The following SLC1A7 variants were observed in gnomAD, a reference collection of about 807,000 sequenced individuals.
The protein encoded by SLC1A7 is excitatory amino acid transporter 5.
In SLC1A7, 40 loss-of-function variants were observed where a neutral mutation model predicts 47.7. The observed-to-expected ratio is 0.84, with a 90% CI of 0.65 to 1.09. SLC1A7 has a LOEUF of 1.09. Ranked by LOEUF, SLC1A7 falls within the 50% of genes least tolerant of loss-of-function variation. The pLI, the probability that SLC1A7 is intolerant of heterozygous loss-of-function variation, is 0.00. For synonymous variants in SLC1A7, 323 were observed against 325.6 expected, an observed-to-expected ratio of 0.99 and a Z score of 0.09; for missense variants, 746 against 769.5, an observed-to-expected ratio of 0.97 and a Z score of 0.36.
At chr1:53,116,780 C>T (rs981373980) in intron 2 of SLC1A7, among the ~76,000 whole-genome samples, 4 of 152,238 alleles carry the variant, frequency 2.6e-5, no homozygotes, top group East Asian at 1.9e-4. Flanking sequence ...CAGCAGTGCC[C>T]GGCTGGGCCA....
At chr1:53,092,349 G>A (rs1256747250) in intron 7 of SLC1A7, among the ~76,000 whole-genome samples, 1 of 152,254 alleles carries the variant, frequency 6.6e-6, no homozygotes, top group Non-Finnish European at 1.5e-5. Context: ...GAGGACTGGG[G>A]CCGTGGGGGA....
chr1:53,136,868 T>A (rs1357848478), intron 1 of SLC1A7, among the ~76,000 whole-genome samples: 1 of 151,726 alleles, frequency 6.6e-6, no homozygotes, highest in Non-Finnish European at 1.5e-5. Context: ...TGTCTCACTA[T>A]GTTGCCCAGA....
intron 2 of SLC1A7, among the ~76,000 whole-genome samples, chr1:53,129,617 AACTCAGCTCCAACCCCGC>A (rs1644921304): frequency 1.5e-5 from 2 of 137,060 alleles, no homozygotes; most frequent in South Asian, 2.3e-4. Flanking sequence ...AGAGTGACTG[AACTCAGCTCCAACCCCGC>A]TGGCCCCACT....
rs139819357 is a variant in SLC1A7 at position 53,142,390 on chromosome 1, G to A, written c.60C>T (p.Leu20=). ...CGATGACAGACAGCACAGACAGGAT[G>A]AGGAGTCCATTCCGCCTGCACACGT... ...GRDVCRRNGL[L]ILSVLSVIVG... is the part of the protein sequence containing the mutation. Residue 20 remains leucine (L), a synonymous_variant, in exon 1 of 11, where the codon CTC becomes CTT. Transcript: ENST00000371494. The A allele has an allele frequency of 1.2e-6, 2 of 1,607,822 alleles. No individual in the cohort carries two copies. Among genetic ancestry groups the A allele is most frequent in the African/African-American group, 2.7e-5 (2 of 74,966 alleles).
chr1:53,090,544 G>T, intron 8 of SLC1A7, 68 bp downstream of exon 8: 1 of 1,469,152 alleles, frequency 6.8e-7, no homozygotes, highest in South Asian at 1.4e-5. Flanking sequence ...CCTCAAGTCT[G>T]GGAGCCTGGG....
At chr1:53,121,036 G>A (rs1456297011) in intron 2 of SLC1A7, among the ~76,000 whole-genome samples, 1 of 152,244 alleles carries the variant, frequency 6.6e-6, no homozygotes, top group Non-Finnish European at 1.5e-5. Flanking sequence ...ATCTTGGGTT[G>A]GAGTGGTACA....
rs144075046 is a variant in SLC1A7, at chr1:53,107,668, C to T, written c.432-1894G>A. On this transcript the variant is annotated intron_variant, in intron 3 of 10. Transcript: ENST00000371494. ...ACCAAGCACTACCATCCTAAATCTA[C>T]TAAGAGCTTTTACAAATCTTGGCCT... Among the ~76,000 whole-genome samples the T allele has an allele frequency of 6.8e-3, 1,033 of 152,338 alleles. 5 individuals carry two copies. Among genetic ancestry groups the T allele is most frequent in the Non-Finnish European group, 0.01 (700 of 68,036 alleles).
chr1:53,097,653 C>G (rs894631472), intron 5 of SLC1A7, among the ~76,000 whole-genome samples: 2 of 151,564 alleles, frequency 1.3e-5, no homozygotes, highest in African/African-American at 4.9e-5. Flanking sequence ...CAAGCACTCA[C>G]ACATCCCACC....
chr1:53,136,772 T>A (rs1645004946), intron 1 of SLC1A7, among the ~76,000 whole-genome samples: 3 of 150,494 alleles, frequency 2.0e-5, no homozygotes, highest in African/African-American at 7.3e-5. Context: ...GCTCAAGTAA[T>A]CTTCACACCT....
intron 2 of SLC1A7, among the ~76,000 whole-genome samples, chr1:53,130,517 C>T (rs1480550743): frequency 6.6e-6 from 1 of 150,768 alleles, no homozygotes; most frequent in Admixed American, 6.6e-5. Flanking sequence ...CCGCTACTGC[C>T]CTGTAGCCAG....
At position 53,089,809 on chromosome 1, in the gene SLC1A7, T is replaced by G; in HGVS notation, c.1352A>C (p.Asp451Ala). The G allele has an allele frequency of 6.2e-7, 1 of 1,613,668 alleles. No individual in the cohort carries two copies. Residue 451 changes from aspartate to alanine, a missense_variant, in exon 9 of 11, where the codon GAC becomes GCC. Physicochemically the swap from Asp to Ala is moderately radical, Grantham distance 126. Coordinates refer to ENST00000371494, the MANE Select transcript of SLC1A7 (RefSeq NM_006671.6). The stretch of plus-strand genomic sequence containing the variant: ...GGCAAAGTCCACTCACAGAGCCCAG[T>G]CAACGGCAATGATGAGGGTGATGTC... ...TDDITLIIAV[D>A]WALDRFRTMI... is the part of the protein sequence containing the mutation.
At chr1:53,108,607 T>C in intron 3 of SLC1A7, 3 of 718,018 alleles carry the variant, frequency 4.2e-6, no homozygotes, top group South Asian at 3.0e-5. Context: ...GACCCTTTGG[T>C]CCGTTCCTCC....
intron 2 of SLC1A7, 50 bp from the exon 3 acceptor site, chr1:53,115,023 C>A (rs767232258): frequency 6.8e-7 from 1 of 1,476,050 alleles, no homozygotes; most frequent in Admixed American, 1.8e-5. Context: ...CAGGGCCTGG[C>A]TGGCACTCAG....
intron 5 of SLC1A7, among the ~76,000 whole-genome samples, chr1:53,099,768 C>T (rs1255245521): frequency 2.7e-5 from 4 of 150,698 alleles, no homozygotes; most frequent in Non-Finnish European, 4.4e-5. Flanking sequence ...GGCACACACC[C>T]TGTCTCAGTA....
At chr1:53,101,692 G>A (rs59076299) in intron 5 of SLC1A7, among the ~76,000 whole-genome samples, 8,086 of 137,670 alleles carry the variant, frequency 0.059, 676 homozygotes, top group African/African-American at 0.2. Flanking sequence ...ACCATGTCTC[G>A]GTACACTCAC....
At chr1:53,140,868 A>G (rs1645050277) in intron 1 of SLC1A7, among the ~76,000 whole-genome samples, 1 of 152,162 alleles carries the variant, frequency 6.6e-6, no homozygotes, top group South Asian at 2.1e-4. Context: ...TTCTTCCTAA[A>G]TAACTGCTCG....
intron 1 of SLC1A7, among the ~76,000 whole-genome samples, chr1:53,136,035 G>C (rs1415649521): frequency 6.6e-6 from 1 of 151,780 alleles, no homozygotes; most frequent in Non-Finnish European, 1.5e-5. Context: ...CCGCAAAAGG[G>C]AGGTGACAGA....
chr1:53,089,144 G>A (rs1169763193), intron 9 of SLC1A7, among the ~76,000 whole-genome samples, 165 bp from the exon 10 acceptor site: 1 of 152,252 alleles, frequency 6.6e-6, no homozygotes, highest in East Asian at 1.9e-4. Flanking sequence ...TGGCATCATT[G>A]AAGCAGCTTC....
At chr1:53,142,224 A>T in intron 1 of SLC1A7, 91 bp downstream of exon 1, 1 of 1,394,016 alleles carries the variant, frequency 7.2e-7, no homozygotes, top group Non-Finnish European at 9.6e-7. Flanking sequence ...TCATGGCACC[A>T]GGGAGCTGTG....
Sources: gnomAD v4.1 joint callset for allele counts (sites outside exome capture counted in the v4.1 genomes callset) on GRCh38, gnomAD v4.1.1 for gene constraint, MANE v1.5 for transcripts, NCBI Gene and HGNC (gene_info 2026-07-23, HGNC 2026-07-21) for gene names.